GALNTL6: variants seen among roughly 807,000 people sequenced by gnomAD.
The protein encoded by GALNTL6 is polypeptide N-acetylgalactosaminyltransferase like 6, also known as polypeptide N-acetylgalactosaminyltransferase-like 6.
Under a neutral mutation model 73.7 loss-of-function variants are expected in GALNTL6, and 46 were observed. The observed-to-expected ratio is 0.62, with a 90% CI of 0.49 to 0.80. The LOEUF is 0.80. Ranked by LOEUF, GALNTL6 falls within the 30% of genes least tolerant of loss-of-function variation. The probability of loss-of-function intolerance (pLI) is 0.00; values close to 1 mark genes in which losing one functional copy is unlikely to be tolerated. For missense variants in GALNTL6, 604 were observed against 755.0 expected (o/e 0.80, Z 2.34); for synonymous variants, 259 against 263.7 (o/e 0.98, Z 0.17).
intron 5 of GALNTL6, among the ~76,000 whole-genome samples, chr4:172,698,005 T>C (rs1185617704): frequency 1.3e-5 from 2 of 152,180 alleles, no homozygotes; most frequent in African/African-American, 4.8e-5. Flanking sequence ...AATCACAGGC[T>C]TAATTCTGTA....
intron 2 of GALNTL6, among the ~76,000 whole-genome samples, chr4:172,049,921 T>C (rs1730793944): frequency 6.6e-6 from 1 of 151,834 alleles, no homozygotes; most frequent in South Asian, 2.1e-4. Flanking sequence ...GAGGCAGAGG[T>C]TGCAGTGAGC....
intron 2 of GALNTL6, among the ~76,000 whole-genome samples, chr4:172,163,229 C>A (rs1356847115): frequency 6.6e-6 from 1 of 152,018 alleles, no homozygotes. Flanking sequence ...ACTTTTTAGA[C>A]ATTACTCTGT....
chr4:171,941,715 TTCTTCACTC>T (rs1560851211), intron 2 of GALNTL6, among the ~76,000 whole-genome samples: 1 of 152,222 alleles, frequency 6.6e-6, no homozygotes, highest in Admixed American at 6.5e-5. Flanking sequence ...ACTTTTATGG[TTCTTCACTC>T]TCTTGAAAGA....
At chr4:172,852,100 C>G (rs770592879) in intron 7 of GALNTL6, among the ~76,000 whole-genome samples, 2 of 152,192 alleles carry the variant, frequency 1.3e-5, no homozygotes, top group African/African-American at 2.4e-5. Context: ...GCATTGCCCA[C>G]TGGTTGGGGA....
chr4:171,921,658 TTC>T (rs1346406522), intron 2 of GALNTL6, among the ~76,000 whole-genome samples: 1 of 152,116 alleles, frequency 6.6e-6, no homozygotes, highest in African/African-American at 2.4e-5. Context: ...TTGTCAAATA[TTC>T]TGAGAACAAT....
At chr4:172,920,414 C>G (rs1747734308) in intron 8 of GALNTL6, among the ~76,000 whole-genome samples, 2 of 152,102 alleles carry the variant, frequency 1.3e-5, no homozygotes, top group Non-Finnish European at 2.9e-5. Context: ...TAATGATAGC[C>G]ATAGCCCTTT....
At chr4:172,526,308 A>C (rs545185455) in intron 5 of GALNTL6, among the ~76,000 whole-genome samples, 1 of 152,194 alleles carries the variant, frequency 6.6e-6, no homozygotes, top group Non-Finnish European at 1.5e-5. Context: ...AGCATCGCTC[A>C]CTGGAGCTTC....
intron 5 of GALNTL6, among the ~76,000 whole-genome samples, chr4:172,664,030 C>T (rs2111186986): frequency 6.6e-6 from 1 of 152,066 alleles, no homozygotes; most frequent in Admixed American, 6.5e-5. Flanking sequence ...CATAATAATT[C>T]TAAAGAGATT....
chr4:172,495,432 G>A (rs2110759449), intron 5 of GALNTL6, among the ~76,000 whole-genome samples: 1 of 152,248 alleles, frequency 6.6e-6, no homozygotes, highest in Non-Finnish European at 1.5e-5. Context: ...ACACTTTCTA[G>A]GCCAGTAAAT....
In GALNTL6 at chr4:173,020,805, G is replaced by A. The variant is rs904929660; in HGVS notation, c.1489-671G>A. ...AAGGACTTTCTGGCCAGGCACAGTG[G>A]CTCATGCCTGTAATCCCAGCACTTT... On this transcript the variant is annotated intron_variant, in intron 11 of 12. Transcript: ENST00000506823. Among the ~76,000 whole-genome samples, 19 of 152,336 alleles carry A rather than the reference G, an allele frequency of 1.2e-4. No homozygotes were observed. In the East Asian group the frequency reaches 3.5e-3, roughly 28 times the overall value.
chr4:171,926,587 T>C (rs1405986617), intron 2 of GALNTL6, among the ~76,000 whole-genome samples: 1 of 152,142 alleles, frequency 6.6e-6, no homozygotes, highest in Non-Finnish European at 1.5e-5. Context: ...ATAAATGAGT[T>C]CCCATTTCCT....
intron 5 of GALNTL6, among the ~76,000 whole-genome samples, chr4:172,409,676 A>G (rs1262688811): frequency 6.6e-6 from 1 of 152,066 alleles, no homozygotes. Flanking sequence ...ATTTGAGGTT[A>G]CATTCCATCT....
chr4:171,824,381 G>A (rs1016267699), intron 2 of GALNTL6, among the ~76,000 whole-genome samples: 1 of 151,908 alleles, frequency 6.6e-6, no homozygotes, highest in Non-Finnish European at 1.5e-5. Flanking sequence ...ACTACTCAAA[G>A]ACCTTGGACA....
At chr4:172,764,928 A>G (rs948700077) in intron 5 of GALNTL6, among the ~76,000 whole-genome samples, 1 of 152,224 alleles carries the variant, frequency 6.6e-6, no homozygotes, top group East Asian at 1.9e-4. Context: ...GATTTTTAGG[A>G]AGAACTTTGT....
intron 2 of GALNTL6, among the ~76,000 whole-genome samples, chr4:172,024,111 A>C (rs1295273288): frequency 6.6e-6 from 1 of 151,806 alleles, no homozygotes; most frequent in South Asian, 2.1e-4. Flanking sequence ...AGTAAATGCC[A>C]ATGTATGCAT....
intron 2 of GALNTL6, among the ~76,000 whole-genome samples, chr4:172,005,668 A>G (rs183005628): frequency 6.6e-6 from 1 of 152,264 alleles, no homozygotes; most frequent in Admixed American, 6.5e-5. Flanking sequence ...AAATTCTAAA[A>G]TAAGGAACAT....
At chr4:172,745,365 A>G (rs965729310) in intron 5 of GALNTL6, among the ~76,000 whole-genome samples, 1 of 151,526 alleles carries the variant, frequency 6.6e-6, no homozygotes, top group Non-Finnish European at 1.5e-5. Context: ...ACATTATGTT[A>G]TTTTAGTGGT....
At chr4:171,903,140 C>T (rs1737151796) in intron 2 of GALNTL6, among the ~76,000 whole-genome samples, 2 of 152,042 alleles carry the variant, frequency 1.3e-5, no homozygotes, top group Admixed American at 1.3e-4. Flanking sequence ...AGGGGAGGAG[C>T]CAAGATGGCC....
rs542041378 is a variant in GALNTL6, at chr4:172,592,812, T to G, written c.554-216549T>G. ...CTTCCCAAGGAGCTTTGTTTGCTAT[T>G]GAGTTTGACATTTTGATATTTCTTT... On this transcript the variant is annotated intron_variant, in intron 5 of 12. Coordinates refer to ENST00000506823, the MANE Select transcript of GALNTL6 (RefSeq NM_001034845.3). 9.9e-5 allele frequency among the ~76,000 whole-genome samples: 15 copies of G among 152,232 alleles called. 1 individual carries two copies. The South Asian group carries it at 3.1e-3, about 32-fold the overall frequency.
Sources: gnomAD v4.1 joint callset for allele counts (sites outside exome capture counted in the v4.1 genomes callset) on GRCh38, gnomAD v4.1.1 for gene constraint, MANE v1.5 for transcripts, NCBI Gene and HGNC (gene_info 2026-07-23, HGNC 2026-07-21) for gene names.